Variants in CNTNAP2 observed in about 807,000 individuals in gnomAD.
CNTNAP2 encodes contactin-associated protein-like 2.
In CNTNAP2, 98 loss-of-function variants were observed where a neutral mutation model predicts 155.2. The ratio of observed to expected loss-of-function variants is 0.63; its 90% CI spans 0.54 to 0.75. CNTNAP2 has a LOEUF of 0.75. CNTNAP2 is among the 30% of genes least tolerant of loss of function. CNTNAP2 has a pLI of 0.00. For missense variants in CNTNAP2, 1,727 were observed against 1,688.1 expected (o/e 1.02, Z -0.40); for synonymous variants, 651 against 631.2 (o/e 1.03, Z -0.47).
chr7:147,640,516 T>G (rs1420848544), intron 13 of CNTNAP2, among the ~76,000 whole-genome samples: 1 of 152,170 alleles, frequency 6.6e-6, no homozygotes, highest in Non-Finnish European at 1.5e-5. Context: ...AGCAACTTTG[T>G]GCTATGTCAG....
intron 1 of CNTNAP2, among the ~76,000 whole-genome samples, chr7:146,576,056 T>C (rs977133769): frequency 1.4e-4 from 21 of 152,276 alleles, no homozygotes; most frequent in Non-Finnish European, 2.8e-4. Context: ...CAACATCTGT[T>C]TGTAATTTTC....
At chr7:147,979,385 A>G (rs1801484616) in intron 15 of CNTNAP2, among the ~76,000 whole-genome samples, 1 of 152,248 alleles carries the variant, frequency 6.6e-6, no homozygotes, top group African/African-American at 2.4e-5. Context: ...ATTATAAGAA[A>G]TGAAATACAG....
chr7:147,556,283 A>G (rs1344830114), intron 11 of CNTNAP2, among the ~76,000 whole-genome samples: 1 of 152,130 alleles, frequency 6.6e-6, no homozygotes, highest in African/African-American at 2.4e-5. Context: ...TAGAGTCATC[A>G]TTTTTATATA....
At chr7:147,606,735 G>A (rs1801071232) in intron 12 of CNTNAP2, among the ~76,000 whole-genome samples, 1 of 152,060 alleles carries the variant, frequency 6.6e-6, no homozygotes, top group Admixed American at 6.5e-5. Context: ...AGGTTGTTAG[G>A]GAAGCATACG....
intron 2 of CNTNAP2, among the ~76,000 whole-genome samples, chr7:146,811,345 C>T (rs889203942): frequency 1.1e-4 from 16 of 152,094 alleles, no homozygotes; most frequent in African/African-American, 3.9e-4. Flanking sequence ...TAGCCTATTT[C>T]TTTATGATTC....
chr7:146,925,678 G>A (rs543060140), intron 3 of CNTNAP2, among the ~76,000 whole-genome samples: 17 of 152,192 alleles, frequency 1.1e-4, no homozygotes, highest in African/African-American at 4.1e-4. Context: ...AACATTAAAA[G>A]CAGGCATAAC....
intron 1 of CNTNAP2, among the ~76,000 whole-genome samples, chr7:146,696,730 C>T (rs1800788870): frequency 6.6e-6 from 1 of 152,128 alleles, no homozygotes; most frequent in Non-Finnish European, 1.5e-5. Context: ...TTAATTTTCA[C>T]TTCAAACTAT....
intron 14 of CNTNAP2, among the ~76,000 whole-genome samples, chr7:147,916,987 G>GA (rs1426422971): frequency 1.3e-5 from 2 of 152,148 alleles, no homozygotes; most frequent in East Asian, 3.9e-4. Context: ...TCCATACATG[G>GA]ATTCTGTCTC....
chr7:147,580,508 C>T (rs1314984923), intron 12 of CNTNAP2, among the ~76,000 whole-genome samples: 1 of 152,158 alleles, frequency 6.6e-6, no homozygotes, highest in African/African-American at 2.4e-5. Context: ...TCAGCATCTT[C>T]ACAGAATTAA....
chr7:147,270,114 T>C lies in CNTNAP2; in HGVS notation c.1349-30027T>C, dbSNP rs377132302. 7.9e-5 allele frequency among the ~76,000 whole-genome samples: 12 copies of C among 152,250 alleles called. No homozygotes were observed. The East Asian group carries it at 2.1e-3, about 27-fold the overall frequency. ...AAACACAATACGCAACATAACATGG[T>C]GACTCAAACCTAAGGTTGATTTAGA... is the stretch of plus-strand genomic sequence containing the variant. On this transcript the variant is annotated intron_variant, in intron 8 of 23. Transcript: ENST00000361727.
chr7:146,348,697 T>C (rs1020758218), intron 1 of CNTNAP2, among the ~76,000 whole-genome samples: 1 of 150,964 alleles, frequency 6.6e-6, no homozygotes, highest in African/African-American at 2.5e-5. Flanking sequence ...TGTATTAATA[T>C]CATCTGCTTT....
At chr7:146,796,684 C>A (rs1202870997) in intron 2 of CNTNAP2, among the ~76,000 whole-genome samples, 1 of 152,068 alleles carries the variant, frequency 6.6e-6, no homozygotes, top group Non-Finnish European at 1.5e-5. Context: ...AACTGAATAA[C>A]CTCAGTAGAA....
intron 1 of CNTNAP2, among the ~76,000 whole-genome samples, chr7:146,737,867 A>G (rs1253254769): frequency 1.3e-5 from 2 of 152,130 alleles, no homozygotes; most frequent in Admixed American, 6.5e-5. Context: ...GTGTGCGTGC[A>G]TATAGATAGA....
chr7:147,729,125 G>A (rs1796693587), intron 13 of CNTNAP2, among the ~76,000 whole-genome samples: 1 of 151,530 alleles, frequency 6.6e-6, no homozygotes, highest in South Asian at 2.1e-4. Flanking sequence ...TTGTAGAGAT[G>A]AGGTCTCACT....
At chr7:147,574,696 G>T (rs186061039) in intron 12 of CNTNAP2, among the ~76,000 whole-genome samples, 5 of 152,008 alleles carry the variant, frequency 3.3e-5, no homozygotes, top group Non-Finnish European at 7.4e-5. Flanking sequence ...TGGGGAAAGA[G>T]GTCTAACAGC....
At chr7:148,085,893 T>C (rs1250272581) in intron 15 of CNTNAP2, among the ~76,000 whole-genome samples, 2 of 152,166 alleles carry the variant, frequency 1.3e-5, no homozygotes, top group African/African-American at 4.8e-5. Flanking sequence ...ACCAATTAAA[T>C]GAAGGAAATG....
chr7:147,113,048 C>T (rs1800914936), intron 5 of CNTNAP2, among the ~76,000 whole-genome samples: 1 of 152,016 alleles, frequency 6.6e-6, no homozygotes, highest in Admixed American at 6.6e-5. Context: ...CTATTTATTA[C>T]TGCCTCAATT....
chr7:147,157,785 T>A (rs1473247081), intron 8 of CNTNAP2, among the ~76,000 whole-genome samples: 1 of 152,166 alleles, frequency 6.6e-6, no homozygotes, highest in East Asian at 1.9e-4. Flanking sequence ...ATAAATGGTA[T>A]GAATAAGTTT....
At chr7:148,297,345 T>G (rs903403202) in intron 21 of CNTNAP2, among the ~76,000 whole-genome samples, 4 of 152,100 alleles carry the variant, frequency 2.6e-5, no homozygotes, top group Non-Finnish European at 5.9e-5. Context: ...AATTGGTGAG[T>G]GGAGGGTTCC....
Sources: allele counts gnomAD v4.1 joint callset (sites outside exome capture counted in the v4.1 genomes callset), GRCh38; gene constraint gnomAD v4.1.1; transcripts MANE v1.5; gene names NCBI Gene and HGNC (gene_info 2026-07-23, HGNC 2026-07-21).